Variants in SAMD8 observed in about 807,000 individuals in gnomAD.
SAMD8 encodes the protein sphingomyelin synthase-related protein 1.
A neutral mutation model predicts 42.0 loss-of-function variants in SAMD8; 20 were observed. The ratio of observed to expected loss-of-function variants is 0.48; its 90% CI spans 0.34 to 0.69. The LOEUF is 0.69. Among genes scored for constraint, SAMD8 ranks in the 30% least tolerant of loss-of-function variants. SAMD8 has a pLI of 0.01. For synonymous variants in SAMD8, 162 were observed against 173.0 expected (o/e 0.94, Z 0.50); for missense variants, 328 against 511.6 (o/e 0.64, Z 3.46).
At chr10:75,129,621 G>A (rs1286768406) in intron 1 of SAMD8, among the ~76,000 whole-genome samples, 2 of 152,118 alleles carry the variant, frequency 1.3e-5, no homozygotes, top group Non-Finnish European at 2.9e-5. Context: ...GGAAAAAGAA[G>A]TTATATAATC....
intron 1 of SAMD8, among the ~76,000 whole-genome samples, chr10:75,148,816 G>T (rs1170374497): frequency 6.6e-6 from 1 of 152,128 alleles, no homozygotes; most frequent in Non-Finnish European, 1.5e-5. Context: ...CAGGATAGAA[G>T]GATATTCATT....
chr10:75,157,239 G>A (rs974925450), intron 2 of SAMD8, among the ~76,000 whole-genome samples: 1 of 151,446 alleles, frequency 6.6e-6, no homozygotes, highest in Non-Finnish European at 1.5e-5. Context: ...GAGGGGGAGA[G>A]AGAGAGAGAG....
chr10:75,120,105 T>A (rs1225812939), intron 1 of SAMD8, among the ~76,000 whole-genome samples: 1 of 152,158 alleles, frequency 6.6e-6, no homozygotes, highest in African/African-American at 2.4e-5. Context: ...GATTAGAGGC[T>A]ATTTTGGTCT....
intron 1 of SAMD8, among the ~76,000 whole-genome samples, chr10:75,126,279 G>A (rs963467272): frequency 2.0e-5 from 3 of 151,898 alleles, no homozygotes; most frequent in African/African-American, 7.3e-5. Context: ...CCAATTTTTA[G>A]CAAATTAGAT....
At chr10:75,122,128 A>G (rs1181118415) in intron 1 of SAMD8, among the ~76,000 whole-genome samples, 3 of 152,210 alleles carry the variant, frequency 2.0e-5, no homozygotes, top group East Asian at 1.9e-4. Flanking sequence ...CTCTCTGATT[A>G]TAAGTATTAC....
At chr10:75,127,544 CTG>C (rs1280111540) in intron 1 of SAMD8, among the ~76,000 whole-genome samples, 3 of 152,184 alleles carry the variant, frequency 2.0e-5, no homozygotes, top group Admixed American at 1.3e-4. Context: ...TCCTCAGACA[CTG>C]TAAATGCCAT....
intron 2 of SAMD8, among the ~76,000 whole-genome samples, chr10:75,155,720 A>G (rs1201798625): frequency 1.3e-5 from 2 of 152,258 alleles, no homozygotes; most frequent in African/African-American, 4.8e-5. Context: ...CATTGTTTGT[A>G]ATAATTATAA....
intron 1 of SAMD8, among the ~76,000 whole-genome samples, chr10:75,120,987 A>C (rs900686046): frequency 6.6e-6 from 1 of 151,760 alleles, no homozygotes; most frequent in African/African-American, 2.4e-5. Context: ...TATGTTGACC[A>C]GGCTTGTCTT....
At chr10:75,141,374 G>A (rs942920269) in intron 1 of SAMD8, among the ~76,000 whole-genome samples, 10 of 151,426 alleles carry the variant, frequency 6.6e-5, no homozygotes, top group Admixed American at 6.6e-4. Flanking sequence ...AAAAAGAAAG[G>A]AAGACAATTG....
intron 1 of SAMD8, among the ~76,000 whole-genome samples, chr10:75,144,116 C>T (rs779955870): frequency 2.6e-5 from 4 of 151,872 alleles, no homozygotes; most frequent in African/African-American, 7.3e-5. Flanking sequence ...TACAGGCACC[C>T]GCCACCATGC....
At chr10:75,136,168 C>G (rs904257724) in intron 1 of SAMD8, among the ~76,000 whole-genome samples, 16 of 151,204 alleles carry the variant, frequency 1.1e-4, no homozygotes, top group Admixed American at 6.6e-5. Context: ...CTTTCATGTT[C>G]TTACTACTGT....
chr10:75,123,346 G>C (rs189255982), intron 1 of SAMD8, among the ~76,000 whole-genome samples: 2 of 152,134 alleles, frequency 1.3e-5, no homozygotes, highest in African/African-American at 4.8e-5. Flanking sequence ...GGAGCAGGAG[G>C]GGTGCCTCAT....
Position 75,176,460 on chromosome 10 carries a change from T to C in SAMD8, c.1016T>C (p.Leu339Ser). The C allele has an allele frequency of 6.4e-7, 1 of 1,551,020 alleles. No homozygotes were observed. The highest frequency in any genetic ancestry group is 2.4e-5 in the East Asian group (1 of 40,930). The part of the protein sequence containing the change: ...VLNLFGIFFI[L>S]AAHEHYSIDV... ...AACCTCTTTGGAATCTTCTTCATCT[T>C]GGCTGCCCATGAACATTATTCTATT... The change falls in exon 6 of 6, where the codon TTG (leucine) becomes TCG (serine). Residue 339 changes from leucine (L) to serine (S), a missense_variant. Coordinates refer to ENST00000542569, the MANE Select transcript of SAMD8 (RefSeq NM_001174156.2). This position sits in a 1 kb window ranked among gnomAD's most constrained non-coding sequence, Gnocchi z 4.3.
At chr10:75,153,271 T>C (rs10824285) in intron 2 of SAMD8, among the ~76,000 whole-genome samples, 83,887 of 151,816 alleles carry the variant, frequency 0.55, 24,974 homozygotes, top group East Asian at 0.9. Context: ...CATGAGCCAC[T>C]GCGCTTGGCC....
intron 1 of SAMD8, among the ~76,000 whole-genome samples, chr10:75,132,271 A>G (rs1849290359): frequency 6.6e-6 from 1 of 152,236 alleles, no homozygotes; most frequent in Non-Finnish European, 1.5e-5. Flanking sequence ...TTGCTCTACA[A>G]GTAGCGTTCT....
chr10:75,115,527 C>A (rs1190032575), intron 1 of SAMD8, among the ~76,000 whole-genome samples: 1 of 152,106 alleles, frequency 6.6e-6, no homozygotes, highest in Non-Finnish European at 1.5e-5. Context: ...ATTCCTGAAC[C>A]CCCTCCTCCC....
intron 1 of SAMD8, among the ~76,000 whole-genome samples, chr10:75,134,844 C>T (rs1204001312): frequency 6.7e-6 from 1 of 150,238 alleles, no homozygotes; most frequent in African/African-American, 2.5e-5. Context: ...ATCACTTGGG[C>T]CTAGAAGTTT....
chr10:75,120,016 C>T (rs1028318649), intron 1 of SAMD8, among the ~76,000 whole-genome samples: 10 of 151,844 alleles, frequency 6.6e-5, no homozygotes, highest in South Asian at 2.1e-4. Flanking sequence ...TGCAGTGAGC[C>T]GAGATTGTAC....
intron 1 of SAMD8, among the ~76,000 whole-genome samples, chr10:75,148,717 G>A (rs1840209880): frequency 6.6e-6 from 1 of 152,138 alleles, no homozygotes; most frequent in African/African-American, 2.4e-5. Flanking sequence ...AGCCAACAAT[G>A]CATTTATAAG....
Sources: allele counts gnomAD v4.1 joint callset (sites outside exome capture counted in the v4.1 genomes callset), GRCh38; gene constraint gnomAD v4.1.1; non-coding constraint Gnocchi (gnomAD v3.1); transcripts MANE v1.5; gene names NCBI Gene and HGNC (gene_info 2026-07-23, HGNC 2026-07-21).